Variants in NCK1 observed in about 807,000 individuals in gnomAD.
NCK1 encodes SH2/SH3 adapter protein NCK1.
Under a neutral mutation model 36.6 loss-of-function variants are expected in NCK1, and 19 were observed. The observed-to-expected ratio is 0.52, with a 90% CI of 0.36 to 0.76. The LOEUF is 0.76. Among genes scored for constraint, NCK1 ranks in the 30% least tolerant of loss-of-function variants. NCK1 has a pLI of 0.00. For missense variants in NCK1, 358 were observed against 445.6 expected (o/e 0.80, Z 1.77); for synonymous variants, 165 against 156.0 (o/e 1.06, Z -0.43).
intron 2 of NCK1, among the ~76,000 whole-genome samples, chr3:136,934,920 G>A (rs937852567): frequency 6.6e-6 from 1 of 152,122 alleles, no homozygotes; most frequent in Non-Finnish European, 1.5e-5. Flanking sequence ...TGTGAGGTCA[G>A]GAAGTGCTAT....
chr3:136,879,755 C>G (rs936453978), intron 1 of NCK1, among the ~76,000 whole-genome samples: 3 of 151,936 alleles, frequency 2.0e-5, no homozygotes, highest in African/African-American at 7.3e-5. Context: ...CAAAATATCA[C>G]AAGGACGGAA....
chr3:136,874,160 A>G (rs1455078294), intron 1 of NCK1, among the ~76,000 whole-genome samples: 1 of 152,004 alleles, frequency 6.6e-6, no homozygotes, highest in Non-Finnish European at 1.5e-5. Flanking sequence ...GTCAACATTC[A>G]TTTACAGTTT....
At chr3:136,896,290 C>T (rs1340257228) in intron 1 of NCK1, among the ~76,000 whole-genome samples, 6 of 152,074 alleles carry the variant, frequency 3.9e-5, no homozygotes, top group African/African-American at 2.4e-5. Flanking sequence ...CATTACCTAC[C>T]ACCCATGTAC....
At chr3:136,939,455 G>A (rs1940614451) in intron 2 of NCK1, among the ~76,000 whole-genome samples, 1 of 151,934 alleles carries the variant, frequency 6.6e-6, no homozygotes, top group Admixed American at 6.6e-5. Context: ...TCTCTTTTGT[G>A]TATATCTCTG....
rs1270435810 is a variant in NCK1, at chr3:136,911,507, T to G, written c.-18-16477T>G. Among the ~76,000 whole-genome samples, 4 of 152,240 alleles carry G rather than the reference T, an allele frequency of 2.6e-5. No homozygotes were observed. The East Asian group carries it at 7.7e-4, about 29-fold the overall frequency. On this transcript the variant is annotated intron_variant, in intron 1 of 3. Transcript: ENST00000481752. ...ATGATTAGTGATGCTGAGCATTTTC[T>G]TATGTATCTGTTGCCATTTTCATGT... is the stretch of plus-strand genomic sequence containing the variant.
chr3:136,897,842 C>T (rs1416705085), intron 1 of NCK1, among the ~76,000 whole-genome samples: 5 of 152,074 alleles, frequency 3.3e-5, no homozygotes, highest in Non-Finnish European at 7.4e-5. Flanking sequence ...TGATCAGAAG[C>T]TAGTTGAAAT....
intron 1 of NCK1, among the ~76,000 whole-genome samples, chr3:136,918,884 C>T (rs534770317): frequency 1.3e-5 from 2 of 152,244 alleles, no homozygotes; most frequent in South Asian, 2.1e-4. Context: ...CACTAATGAC[C>T]GTGTAACCAT....
At chr3:136,877,443 T>G (rs1938805494) in intron 1 of NCK1, among the ~76,000 whole-genome samples, 1 of 152,284 alleles carries the variant, frequency 6.6e-6, no homozygotes, top group Non-Finnish European at 1.5e-5. Flanking sequence ...CATGAAAATA[T>G]AGTATAACTT....
chr3:136,887,368 C>T (rs973172194), intron 1 of NCK1, among the ~76,000 whole-genome samples: 2 of 152,074 alleles, frequency 1.3e-5, no homozygotes, highest in African/African-American at 4.8e-5. Flanking sequence ...GGAAAAGTTA[C>T]TGTTGCCTTT....
At chr3:136,907,433 A>G (rs1377847477) in intron 1 of NCK1, among the ~76,000 whole-genome samples, 2 of 152,052 alleles carry the variant, frequency 1.3e-5, no homozygotes, top group African/African-American at 2.4e-5. Context: ...CTCTGGAATA[A>G]TGTTGTTGCA....
In NCK1 at chr3:136,946,105, T is replaced by G. The variant is rs759875342; in HGVS notation, c.749T>G (p.Met250Arg). The change falls in exon 3 of 4, where the codon ATG (methionine) becomes AGG (arginine). Residue 250 changes from methionine to arginine, a missense_variant. Physicochemically the swap from Met to Arg is moderately conservative, Grantham distance 91. This residue lies in a region of NCK1 where 207 missense variants were observed against 253.4 expected (regional missense o/e 0.82). Coordinates refer to ENST00000481752, the MANE Select transcript of NCK1 (RefSeq NM_001291999.2). ...GLVPKNYVTV[M>R]QNNPLTSGLE... ...GTACCAAAAAACTATGTTACCGTTA[T>G]GCAGAATAATCCATTAACTTCAGGT... is the stretch of plus-strand genomic sequence containing the variant. 6.2e-7 allele frequency: 1 copy of G among 1,613,880 alleles called. No individual in the cohort carries two copies. Among genetic ancestry groups the G allele is most frequent in the Non-Finnish European group, 8.5e-7 (1 of 1,180,010 alleles).
At chr3:136,905,031 G>A (rs1450644271) in intron 1 of NCK1, among the ~76,000 whole-genome samples, 1 of 86,016 alleles carries the variant, frequency 1.2e-5, no homozygotes, top group Non-Finnish European at 2.5e-5. Flanking sequence ...TTTTCTTTTT[G>A]AGATGGAGTC....
At chr3:136,921,745 G>C (rs1940115908) in intron 1 of NCK1, among the ~76,000 whole-genome samples, 1 of 152,174 alleles carries the variant, frequency 6.6e-6, no homozygotes, top group Non-Finnish European at 1.5e-5. Flanking sequence ...TAAAGGTTGA[G>C]TATGCTAAGG....
At chr3:136,916,566 A>G (rs953496933) in intron 1 of NCK1, among the ~76,000 whole-genome samples, 9 of 152,254 alleles carry the variant, frequency 5.9e-5, no homozygotes, top group African/African-American at 2.2e-4. Context: ...AGATGACACA[A>G]TCTAAACCTT....
At chr3:136,915,431 A>C (rs1939935572) in intron 1 of NCK1, among the ~76,000 whole-genome samples, 1 of 152,174 alleles carries the variant, frequency 6.6e-6, no homozygotes, top group Non-Finnish European at 1.5e-5. Context: ...ATATTGTAGA[A>C]GTTGCAAAGT....
At chr3:136,904,164 T>C (rs1004509819) in intron 1 of NCK1, among the ~76,000 whole-genome samples, 3 of 152,154 alleles carry the variant, frequency 2.0e-5, no homozygotes, top group Non-Finnish European at 4.4e-5. Context: ...TTTAAAAAAA[T>C]TATTTTTTTA....
chr3:136,941,839 C>G (rs967664581), intron 2 of NCK1, among the ~76,000 whole-genome samples: 10 of 151,984 alleles, frequency 6.6e-5, no homozygotes, highest in African/African-American at 2.4e-4. Context: ...CTGGAGGATT[C>G]TCTTTAGCAC....
intron 1 of NCK1, among the ~76,000 whole-genome samples, chr3:136,867,248 CGTCT>C (rs753570558): frequency 3.3e-5 from 2 of 60,922 alleles, no homozygotes; most frequent in African/African-American, 9.2e-5. Context: ...TCTGTCCGTC[CGTCT>C]GTCTCTCTCT....
intron 1 of NCK1, among the ~76,000 whole-genome samples, chr3:136,869,547 GAAAAA>G (rs1173205425): frequency 6.6e-6 from 1 of 151,444 alleles, no homozygotes; most frequent in Non-Finnish European, 1.5e-5. Flanking sequence ...TGTCTCAAAA[GAAAAA>G]AAAGAAAGAA....
Sources: gnomAD v4.1 joint callset for allele counts (sites outside exome capture counted in the v4.1 genomes callset) on GRCh38, gnomAD v4.1.1 for gene constraint, gnomAD v4.1.1 regional missense constraint, MANE v1.5 for transcripts, NCBI Gene and HGNC (gene_info 2026-07-23, HGNC 2026-07-21) for gene names.